Variants in HYCC2 observed in about 807,000 individuals in gnomAD.
HYCC2 encodes the protein hyccin PI4KA lipid kinase complex subunit 2, also known as hyccin 2.
the HYCC2 span, among the ~76,000 whole-genome samples, chr2:201,016,776 T>C: frequency 1.3e-5 from 2 of 151,934 alleles, no homozygotes; most frequent in African/African-American, 2.4e-5. Flanking sequence ...ATTTCTGTAT[T>C]TTTAGTAGAG....
At chr2:201,033,196 T>A in the HYCC2 span, among the ~76,000 whole-genome samples, 27,187 of 104,718 alleles carry the variant, frequency 0.26, 3,797 homozygotes, top group African/African-American at 0.38. Flanking sequence ...TGTGTGTGTG[T>A]GAGAGAGAGA....
chr2:200,978,378 C>CA, the HYCC2 span: 3 of 148,178 alleles, frequency 2.0e-5, no homozygotes, highest in South Asian at 6.4e-4. Context: ...ACAAATGTTA[C>CA]AGGGTCATAA....
chr2:201,015,865 T>G, the HYCC2 span, among the ~76,000 whole-genome samples: 1 of 152,166 alleles, frequency 6.6e-6, no homozygotes, highest in East Asian at 1.9e-4. Context: ...GCTCCTCATC[T>G]CAACAGGCCA....
the HYCC2 span, among the ~76,000 whole-genome samples, chr2:201,043,764 T>A: frequency 6.6e-6 from 1 of 152,128 alleles, no homozygotes; most frequent in African/African-American, 2.4e-5. Context: ...CGCCTCAGCC[T>A]CCCAAAGTGC....
At chr2:201,046,422 G>GT in the HYCC2 span, among the ~76,000 whole-genome samples, 1 of 152,148 alleles carries the variant, frequency 6.6e-6, no homozygotes, top group Non-Finnish European at 1.5e-5. Flanking sequence ...AGGTTCTGCA[G>GT]TGGGGGGGAA....
the HYCC2 span, chr2:200,981,091 A>G: frequency 1.4e-6 from 1 of 704,982 alleles, no homozygotes; most frequent in East Asian, 2.7e-5. The surrounding 1 kb of genome is among the most constrained non-coding windows in gnomAD (Gnocchi z 4.5). Flanking sequence ...AGATGTAGGA[A>G]AGAGGGATAA....
the HYCC2 span, among the ~76,000 whole-genome samples, chr2:201,029,950 A>G: frequency 6.6e-6 from 1 of 152,172 alleles, no homozygotes; most frequent in South Asian, 2.1e-4. Context: ...AGCTGGATAT[A>G]GTCATGCACA....
At chr2:201,051,213 C>T in the HYCC2 span, among the ~76,000 whole-genome samples, 19 of 151,944 alleles carry the variant, frequency 1.3e-4, 1 homozygote, top group Admixed American at 1.2e-3. Context: ...ATGATATAAC[C>T]TATTGAAAAA....
the HYCC2 span, among the ~76,000 whole-genome samples, chr2:201,042,873 G>A: frequency 1.3e-3 from 180 of 137,574 alleles, no homozygotes; most frequent in Middle Eastern, 0.012. Flanking sequence ...CCCTCTGCCC[G>A]GCCGCCCCGT....
the HYCC2 span, among the ~76,000 whole-genome samples, chr2:201,048,081 A>C: frequency 6.6e-6 from 1 of 152,164 alleles, no homozygotes; most frequent in Non-Finnish European, 1.5e-5. Flanking sequence ...GGAAATGTTA[A>C]TAGTGACAGT....
chr2:201,040,482 A>C, the HYCC2 span, among the ~76,000 whole-genome samples: 1 of 146,498 alleles, frequency 6.8e-6, no homozygotes, highest in Non-Finnish European at 1.5e-5. Context: ...TGTGAATCTC[A>C]TAATTTTTTT....
chr2:201,039,824 C>T, the HYCC2 span, among the ~76,000 whole-genome samples: 3 of 152,006 alleles, frequency 2.0e-5, no homozygotes, highest in South Asian at 4.1e-4. Context: ...TTTCTTCAGA[C>T]AAGTCACACC....
chr2:201,064,363 C>T, the HYCC2 span, among the ~76,000 whole-genome samples: 375 of 135,672 alleles, frequency 2.8e-3, no homozygotes, highest in South Asian at 4.5e-3. Context: ...CTGATCGTGA[C>T]GCTGAATAAA....
the HYCC2 span, among the ~76,000 whole-genome samples, chr2:201,001,679 TA>T: frequency 9.5e-4 from 144 of 152,122 alleles, no homozygotes; most frequent in African/African-American, 3.2e-3. Context: ...TTTCTATTTT[TA>T]TTTTTTTTTT....
At chr2:200,975,560 A>C in the HYCC2 span, 1 of 152,142 alleles carries the variant, frequency 6.6e-6, no homozygotes, top group Non-Finnish European at 1.5e-5. Context: ...AATATTAAAC[A>C]TAATAGCAGA....
chr2:201,069,267 A>G, the HYCC2 span, among the ~76,000 whole-genome samples: 6 of 152,308 alleles, frequency 3.9e-5, no homozygotes, highest in African/African-American at 1.4e-4. Context: ...TTCAAGGTCT[A>G]TTTTAGGGCA....
the HYCC2 span, among the ~76,000 whole-genome samples, chr2:201,034,622 G>C: frequency 6.6e-6 from 1 of 152,126 alleles, no homozygotes; most frequent in Non-Finnish European, 1.5e-5. Flanking sequence ...GGTTAATATT[G>C]TTATGTGTGA....
At chr2:201,008,060 T>C in the HYCC2 span, among the ~76,000 whole-genome samples, 1 of 152,234 alleles carries the variant, frequency 6.6e-6, no homozygotes, top group Non-Finnish European at 1.5e-5. Flanking sequence ...ACTGTGAGTA[T>C]AATGGCTTTC....
chr2:201,066,225 C>T, the HYCC2 span, among the ~76,000 whole-genome samples: 1 of 152,118 alleles, frequency 6.6e-6, no homozygotes, highest in African/African-American at 2.4e-5. Context: ...AGGTGTGCAC[C>T]ACCGTGCCCA....
Sources: gnomAD v4.1 joint callset for allele counts (sites outside exome capture counted in the v4.1 genomes callset) on GRCh38, gnomAD v4.1.1 for gene constraint, Gnocchi (gnomAD v3.1) non-coding constraint, MANE v1.5 for transcripts, NCBI Gene and HGNC (gene_info 2026-07-23, HGNC 2026-07-21) for gene names.